The following TENT5D variants were observed in gnomAD, a reference collection of about 807,000 sequenced individuals.
TENT5D encodes the protein cancer/testis antigen 112.
For synonymous variants in TENT5D, 103 were observed against 100.6 expected (o/e 1.02, Z -0.15); for missense variants, 191 against 287.0 (o/e 0.67, Z 2.42).
chrX:80,386,586 AT>A (rs1013361542), intron 3 of TENT5D, among the ~76,000 whole-genome samples: 20 of 111,970 alleles, frequency 1.8e-4, no homozygotes, highest in Non-Finnish European at 3.8e-4. Flanking sequence ...ATCTAAAAAA[AT>A]AAAATAGCAA....
At chrX:80,356,957 T>A (rs1297495754) in intron 3 of TENT5D, among the ~76,000 whole-genome samples, 1 of 110,824 alleles carries the variant, frequency 9.0e-6, no homozygotes, top group Non-Finnish European at 1.9e-5. Flanking sequence ...TTCCCCTTCC[T>A]GTGTCCATGT....
chrX:80,431,853 G>A (rs933768785), intron 1 of TENT5D, among the ~76,000 whole-genome samples: 1 of 111,472 alleles, frequency 9.0e-6, no homozygotes, highest in African/African-American at 3.3e-5. Flanking sequence ...AGTTCTGCTG[G>A]GAAGTGCTGG....
chrX:80,419,012 A>G (rs899522044), upstream of TENT5D, among the ~76,000 whole-genome samples: 3 of 111,463 alleles, frequency 2.7e-5, no homozygotes, highest in Admixed American at 9.6e-5. Context: ...ATTTCTTTGC[A>G]TAATTTGTTT....
chrX:80,381,686 T>G (rs1224805310), intron 3 of TENT5D, among the ~76,000 whole-genome samples: 1 of 112,057 alleles, frequency 8.9e-6, no homozygotes, highest in African/African-American at 3.2e-5. Context: ...TAAACTTCTC[T>G]TCTTGCTTCA....
At chrX:80,371,284 A>C (rs1930620686) in intron 3 of TENT5D, among the ~76,000 whole-genome samples, 1 of 111,605 alleles carries the variant, frequency 9.0e-6, no homozygotes, top group East Asian at 2.8e-4. Flanking sequence ...ACTATCATCC[A>C]GGCTTTGTTT....
chrX:80,427,037 C>T (rs1932001035), intron 1 of TENT5D, among the ~76,000 whole-genome samples: 1 of 111,569 alleles, frequency 9.0e-6, no homozygotes, highest in Admixed American at 9.6e-5. Flanking sequence ...GTGCCTTTCG[C>T]CTCCCACCAT....
intron 3 of TENT5D, among the ~76,000 whole-genome samples, chrX:80,386,762 G>A (rs1277014655): frequency 1.8e-5 from 2 of 110,687 alleles, no homozygotes; most frequent in Non-Finnish European, 1.9e-5. Flanking sequence ...ATTTAGAGAA[G>A]ATTAGGTGTT....
intron 1 of TENT5D, among the ~76,000 whole-genome samples, chrX:80,429,969 A>T (rs1417091342): frequency 4.6e-5 from 5 of 108,674 alleles, no homozygotes; most frequent in African/African-American, 1.7e-4. Context: ...GGTTCTTTGC[A>T]TTCTATTGGG....
At chrX:80,386,422 G>A (rs1184662570) in intron 3 of TENT5D, among the ~76,000 whole-genome samples, 1 of 110,508 alleles carries the variant, frequency 9.0e-6, no homozygotes, top group African/African-American at 3.3e-5. Context: ...GGGAGGAGTG[G>A]GGAGGGATAG....
At chrX:80,407,703 G>C (rs1346708135) in intron 3 of TENT5D, among the ~76,000 whole-genome samples, 1 of 106,385 alleles carries the variant, frequency 9.4e-6, no homozygotes, top group Non-Finnish European at 1.9e-5. Flanking sequence ...GAGACAGAAA[G>C]TCAACAACGA....
chrX:80,341,939 C>A (rs887062379), intron 2 of TENT5D, among the ~76,000 whole-genome samples: 49 of 108,425 alleles, frequency 4.5e-4, no homozygotes, highest in Non-Finnish European at 8.0e-4. Context: ...TCTCGATCTC[C>A]TGACCTCGTG....
chrX:80,342,762 A>G lies in TENT5D; in HGVS notation c.-142+198A>G, dbSNP rs1168680668. 2.7e-5 allele frequency among the ~76,000 whole-genome samples: 3 copies of G among 111,862 alleles called. No individual in the cohort carries two copies. The Admixed American group carries it at 2.8e-4, about 11-fold the overall frequency. On this transcript the variant is annotated intron_variant, in intron 3 of 4. Transcript: ENST00000538312. Reference sequence around the variant, plus strand: ...AGTATCTTGAAAATTCTCTTTGACAATTATGTTAATAAATAATGTATGATT... The same window carrying G: ...AGTATCTTGAAAATTCTCTTTGACAGTTATGTTAATAAATAATGTATGATT...
chrX:80,389,740 C>T (rs1931090389), intron 3 of TENT5D, among the ~76,000 whole-genome samples: 1 of 111,867 alleles, frequency 8.9e-6, no homozygotes, highest in South Asian at 3.7e-4. Flanking sequence ...TTGGATTTAG[C>T]AACTTGAAGG....
intron 3 of TENT5D, among the ~76,000 whole-genome samples, chrX:80,378,878 G>T (rs1350746135): frequency 9.2e-6 from 1 of 109,086 alleles, no homozygotes; most frequent in Non-Finnish European, 1.9e-5. Context: ...TTGCCTGATT[G>T]CCTGGCCAGA....
intron 2 of TENT5D, among the ~76,000 whole-genome samples, chrX:80,336,614 A>G (rs1278571097): frequency 3.6e-5 from 4 of 110,162 alleles, no homozygotes; most frequent in African/African-American, 1.3e-4. Flanking sequence ...CATTAAAAAA[A>G]AAGATTTTCC....
At chrX:80,403,183 G>T (rs1931421016) in intron 3 of TENT5D, among the ~76,000 whole-genome samples, 1 of 111,681 alleles carries the variant, frequency 9.0e-6, no homozygotes, top group Non-Finnish European at 1.9e-5. Flanking sequence ...ATTTTCAAGT[G>T]AACATGTATC....
At chrX:80,429,061 A>G (rs1001011181) in intron 1 of TENT5D, among the ~76,000 whole-genome samples, 1 of 111,019 alleles carries the variant, frequency 9.0e-6, no homozygotes, top group South Asian at 3.8e-4. Context: ...GTCTGAGTTG[A>G]TGGAGCCGGG....
intron 3 of TENT5D, among the ~76,000 whole-genome samples, chrX:80,372,880 C>A (rs1050951792): frequency 4.2e-4 from 29 of 68,673 alleles, no homozygotes; most frequent in African/African-American, 1.4e-3. Flanking sequence ...GAGCGAGACT[C>A]TATCTCAAAA....
intron 3 of TENT5D, among the ~76,000 whole-genome samples, chrX:80,394,285 A>T (rs1602205168): frequency 1.1e-5 from 1 of 87,313 alleles, no homozygotes; most frequent in South Asian, 5.1e-4. Flanking sequence ...TTTGCTTTTG[A>T]TTTTCATTTC....
Sources: gnomAD v4.1 joint callset for allele counts (sites outside exome capture counted in the v4.1 genomes callset) on GRCh38, gnomAD v4.1.1 for gene constraint, MANE v1.5 for transcripts, NCBI Gene and HGNC (gene_info 2026-07-23, HGNC 2026-07-21) for gene names.